PLS1: variants seen among roughly 807,000 people sequenced by gnomAD.
The protein encoded by PLS1 is plastin 1, also known as plastin-1.
In PLS1, 32 loss-of-function variants were observed where a neutral mutation model predicts 73.7. The observed-to-expected ratio is 0.43, with a 90% CI of 0.33 to 0.58. The LOEUF (loss-of-function observed/expected upper bound fraction) is 0.58. Among genes scored for constraint, PLS1 ranks in the 20% least tolerant of loss-of-function variants. The pLI is 0.04. For missense variants in PLS1, 633 were observed against 740.5 expected (o/e 0.85, Z 1.68); for synonymous variants, 217 against 261.3 (o/e 0.83, Z 1.63).
At chr3:142,683,566 C>T (rs879879385) in intron 6 of PLS1, among the ~76,000 whole-genome samples, 2 of 152,206 alleles carry the variant, frequency 1.3e-5, no homozygotes, top group Admixed American at 1.3e-4. Context: ...CCCGGCCTTT[C>T]CACTGTGGAA....
Position 142,621,232 on chromosome 3 carries a change from C to G in PLS1, c.-37+24723C>G, listed in dbSNP as rs547224758. Among the ~76,000 whole-genome samples, 281 of 152,204 alleles carry G rather than the reference C, an allele frequency of 1.8e-3. 1 individual carries two copies. Among genetic ancestry groups the G allele is most frequent in the African/African-American group, 6.2e-3 (257 of 41,532 alleles). On this transcript the variant is annotated intron_variant, in intron 1 of 15. Transcript: ENST00000457734. ...CAAAAGTGACAGTCTCCATACTGTA[C>G]ATTTTAACTGTCTACTGTGACATTT...
chr3:142,620,150 A>G (rs1392375534), intron 1 of PLS1, among the ~76,000 whole-genome samples: 1 of 151,070 alleles, frequency 6.6e-6, no homozygotes, highest in Non-Finnish European at 1.5e-5. Context: ...TTTGAGGCAG[A>G]GTCTTGCTCT....
chr3:142,616,351 A>G (rs1406766572), intron 1 of PLS1, among the ~76,000 whole-genome samples: 1 of 152,240 alleles, frequency 6.6e-6, no homozygotes, highest in Non-Finnish European at 1.5e-5. Flanking sequence ...TGATGGAGGA[A>G]GGCACACTAG....
At chr3:142,663,012 C>A (rs1368203729) in intron 1 of PLS1, among the ~76,000 whole-genome samples, 1 of 152,040 alleles carries the variant, frequency 6.6e-6, no homozygotes, top group Non-Finnish European at 1.5e-5. Flanking sequence ...GAGTTCGAGA[C>A]CAGCCTGGCC....
At position 142,687,929 on chromosome 3, in the gene PLS1, C is replaced by A. The variant is rs7631963; in HGVS notation, c.981+1553C>A. ...TTGAATTAGGATCTAAAATAAGGTC[C>A]ACATGTTGTCTTTATTTGTTTGTTT... On this transcript the variant is annotated intron_variant, in intron 9 of 15. Transcript: ENST00000457734. Among the ~76,000 whole-genome samples, 906 of 151,156 alleles carry A rather than the reference C, an allele frequency of 6.0e-3. 7 individuals carry two copies. Among genetic ancestry groups the A allele is most frequent in the African/African-American group, 0.02 (840 of 41,270 alleles).
chr3:142,664,788 G>A (rs543359222), intron 2 of PLS1, among the ~76,000 whole-genome samples: 16 of 151,978 alleles, frequency 1.1e-4, no homozygotes, highest in East Asian at 1.9e-4. Context: ...TGTTTTTAAA[G>A]GCCGTATGCC....
At chr3:142,686,693 T>C (rs1417342883) in intron 9 of PLS1, among the ~76,000 whole-genome samples, 1 of 152,224 alleles carries the variant, frequency 6.6e-6, no homozygotes, top group Non-Finnish European at 1.5e-5. Flanking sequence ...CATTCCCCAG[T>C]AGAGCCCTCA....
intron 1 of PLS1, among the ~76,000 whole-genome samples, chr3:142,615,342 C>A (rs1459228789): frequency 6.6e-6 from 1 of 152,144 alleles, no homozygotes; most frequent in Non-Finnish European, 1.5e-5. Context: ...TATCATCTGG[C>A]TTCAGCATTA....
intron 5 of PLS1, 31 bp downstream of exon 5, chr3:142,676,320 G>A (rs754421386): frequency 2.6e-5 from 42 of 1,603,818 alleles, no homozygotes; most frequent in South Asian, 3.4e-5. Flanking sequence ...AGGAAGCTGC[G>A]TTCTTGCTGA....
At chr3:142,638,512 A>G (rs1475320821) in intron 1 of PLS1, among the ~76,000 whole-genome samples, 4 of 152,194 alleles carry the variant, frequency 2.6e-5, no homozygotes, top group African/African-American at 9.7e-5. Flanking sequence ...AGTGCTCTAA[A>G]AAGGATGCCT....
chr3:142,707,056 C>T (rs2038476793), intron 14 of PLS1, among the ~76,000 whole-genome samples: 1 of 152,022 alleles, frequency 6.6e-6, no homozygotes, highest in Admixed American at 6.6e-5. Context: ...GGAGAGCAAC[C>T]CTAGAGAACA....
chr3:142,690,024 G>T (rs1577897058), intron 10 of PLS1, among the ~76,000 whole-genome samples: 1 of 152,084 alleles, frequency 6.6e-6, no homozygotes, highest in Non-Finnish European at 1.5e-5. Context: ...TCCATAAGAG[G>T]TTAGTGAAAA....
Position 142,631,692 on chromosome 3 carries a change from A to G in PLS1, c.-36-32510A>G, listed in dbSNP as rs1180447980. 2.7e-5 allele frequency among the ~76,000 whole-genome samples: 4 copies of G among 146,586 alleles called. No individual in the cohort carries two copies. The East Asian group carries it at 7.8e-4, about 29-fold the overall frequency. ...AAAAAAAAAAAAAAAAAAAAAAAAG[A>G]AGTTGAACCTTATACCATATGCAAA... On this transcript the variant is annotated intron_variant, in intron 1 of 15. Coordinates refer to ENST00000457734, the MANE Select transcript of PLS1 (RefSeq NM_001145319.2).
chr3:142,710,462 A>G lies in PLS1; in HGVS notation c.1630-1039A>G, dbSNP rs144220747. Reference sequence around the variant, plus strand: ...CTTTTTTTCCGTTTTTGTCTCTCCCATGAAATTTTAATGCAGAGATACACT... The same window carrying G: ...CTTTTTTTCCGTTTTTGTCTCTCCCGTGAAATTTTAATGCAGAGATACACT... On this transcript the variant is annotated intron_variant, in intron 14 of 15. Transcript: ENST00000457734. Among the ~76,000 whole-genome samples the G allele has an allele frequency of 5.9e-5, 9 of 152,264 alleles. No individual in the cohort carries two copies. In the East Asian group the frequency reaches 1.7e-3, roughly 29 times the overall value.
At chr3:142,677,983 A>C (rs1560064098) in intron 5 of PLS1, 49 bp from the exon 6 acceptor site, 1 of 890,556 alleles carries the variant, frequency 1.1e-6, no homozygotes, top group Non-Finnish European at 1.7e-6. Flanking sequence ...TAATAAACTA[A>C]AAAAATTTCT....
intron 1 of PLS1, among the ~76,000 whole-genome samples, chr3:142,638,952 G>T (rs1267416174): frequency 6.6e-6 from 1 of 152,028 alleles, no homozygotes; most frequent in Non-Finnish European, 1.5e-5. Context: ...TGTTGGTCAG[G>T]CTGGTCTCCA....
intron 6 of PLS1, 141 bp downstream of exon 6, chr3:142,678,254 C>CT (rs967135560): frequency 2.2e-4 from 76 of 338,630 alleles, no homozygotes; most frequent in Middle Eastern, 7.8e-4. Context: ...TTTTGGAATC[C>CT]TTTTTTTTAT....
At chr3:142,613,681 T>C (rs550235405) in intron 1 of PLS1, among the ~76,000 whole-genome samples, 2 of 152,348 alleles carry the variant, frequency 1.3e-5, no homozygotes, top group Non-Finnish European at 2.9e-5. Flanking sequence ...GGTGCGTCTC[T>C]TGCTGTAACA....
chr3:142,674,411 C>T (rs756685752), intron 4 of PLS1, among the ~76,000 whole-genome samples: 1 of 151,964 alleles, frequency 6.6e-6, no homozygotes, highest in Non-Finnish European at 1.5e-5. Flanking sequence ...GCAAAATATT[C>T]CCTTGGGAAA....
Sources: allele counts gnomAD v4.1 joint callset (sites outside exome capture counted in the v4.1 genomes callset), GRCh38; gene constraint gnomAD v4.1.1; transcripts MANE v1.5; gene names NCBI Gene and HGNC (gene_info 2026-07-23, HGNC 2026-07-21).